Variants in HECW2 observed in about 807,000 individuals in gnomAD.
The protein encoded by HECW2 is E3 ubiquitin-protein ligase HECW2.
HECW2 carries 61 observed loss-of-function variants against 175.2 expected under a neutral mutation model. That is an observed-to-expected ratio of 0.35 (90% CI 0.28 to 0.43). The LOEUF is 0.43. Ranked by LOEUF, HECW2 falls within the 20% of genes least tolerant of loss-of-function variation. The pLI is 1.00. For missense variants in HECW2, 1,524 were observed against 2,000.5 expected (o/e 0.76, Z 4.54); for synonymous variants, 671 against 731.0 (o/e 0.92, Z 1.32).
intron 2 of HECW2, among the ~76,000 whole-genome samples, chr2:196,352,831 G>A (rs767952295): frequency 1.6e-4 from 24 of 152,274 alleles, no homozygotes; most frequent in Non-Finnish European, 3.1e-4. Flanking sequence ...AGAAACACTT[G>A]GACTCATTTC....
chr2:196,312,983 T>A (rs1249957945), intron 10 of HECW2, among the ~76,000 whole-genome samples: 1 of 152,150 alleles, frequency 6.6e-6, no homozygotes, highest in Non-Finnish European at 1.5e-5. Flanking sequence ...ATGATAAATG[T>A]TCCCCCATAG....
chr2:196,572,336 C>A (rs1234417737), intron 1 of HECW2, among the ~76,000 whole-genome samples: 1 of 152,058 alleles, frequency 6.6e-6, no homozygotes, highest in Non-Finnish European at 1.5e-5. Flanking sequence ...GTGTGTGCCA[C>A]CATGCTTGGC....
intron 1 of HECW2, among the ~76,000 whole-genome samples, chr2:196,450,779 C>A (rs1696324394): frequency 6.6e-6 from 1 of 152,060 alleles, no homozygotes; most frequent in African/African-American, 2.4e-5. Context: ...CCACGCCCAG[C>A]CCAAATATCA....
At chr2:196,450,208 A>G (rs999063332) in intron 1 of HECW2, among the ~76,000 whole-genome samples, 2 of 152,214 alleles carry the variant, frequency 1.3e-5, no homozygotes, top group Non-Finnish European at 2.9e-5. Flanking sequence ...AATACAATGG[A>G]TATGTCCCAC....
At position 196,274,048 on chromosome 2, in the gene HECW2, G is replaced by A. The variant is rs565718530; in HGVS notation, c.3211C>T (p.Pro1071Ser). The A allele has an allele frequency of 3.1e-6, 5 of 1,613,646 alleles. No individual in the cohort carries two copies. The African/African-American group carries it at 5.3e-5, about 17-fold the overall frequency. Residue 1071 changes from proline to serine, a missense_variant, in exon 16 of 29, where the codon CCA (proline) becomes TCA (serine). Transcript: ENST00000644978. ...PSSTFNTVSR[P>S]QYQDMVPVAY... is the part of the protein sequence containing the mutation. ...ACTGGAACCATGTCCTGGTACTGTG[G>A]CCTACTGACTGTATTGAATGTACTG...
At chr2:196,362,140 C>T in intron 2 of HECW2, 1 of 985,372 alleles carries the variant, frequency 1.0e-6, no homozygotes, top group Non-Finnish European at 1.2e-6. Context: ...CCACTCCTGC[C>T]TTTCATCAAG....
intron 2 of HECW2, among the ~76,000 whole-genome samples, chr2:196,374,355 G>C (rs116606239): frequency 0.029 from 4,427 of 152,240 alleles, 214 homozygotes; most frequent in African/African-American, 0.1. Flanking sequence ...AGTTGTAAAA[G>C]AAATATGCCA....
At chr2:196,437,364 C>A (rs1695908218) in intron 1 of HECW2, among the ~76,000 whole-genome samples, 1 of 151,900 alleles carries the variant, frequency 6.6e-6, no homozygotes, top group African/African-American at 2.4e-5. Context: ...ATAATCCCAG[C>A]ACTTTGGGAG....
At chr2:196,538,825 C>G (rs1689107369) in intron 1 of HECW2, among the ~76,000 whole-genome samples, 6 of 152,192 alleles carry the variant, frequency 3.9e-5, no homozygotes, top group Admixed American at 3.9e-4. Context: ...TCAAAACTCA[C>G]CAGCAATAAA....
At chr2:196,424,232 T>C (rs1436486543) in intron 2 of HECW2, among the ~76,000 whole-genome samples, 1 of 152,088 alleles carries the variant, frequency 6.6e-6, no homozygotes, top group South Asian at 2.1e-4. Flanking sequence ...GAATATTGTG[T>C]GTGTTCTGAC....
intron 2 of HECW2, among the ~76,000 whole-genome samples, chr2:196,351,967 T>G (rs1183303634): frequency 2.6e-5 from 4 of 152,196 alleles, no homozygotes; most frequent in Non-Finnish European, 5.9e-5. Flanking sequence ...ATCCCAGAGC[T>G]ACATTGAGGA....
At chr2:196,506,870 C>T (rs1013627530) in intron 1 of HECW2, among the ~76,000 whole-genome samples, 1 of 152,042 alleles carries the variant, frequency 6.6e-6, no homozygotes, top group Admixed American at 6.5e-5. Context: ...AAAAACACTG[C>T]TACAGGCCAA....
chr2:196,381,141 G>A (rs1297947522), intron 2 of HECW2, among the ~76,000 whole-genome samples: 1 of 152,176 alleles, frequency 6.6e-6, no homozygotes, highest in Non-Finnish European at 1.5e-5. Flanking sequence ...AATAAGCACA[G>A]TTGCTTAAAG....
intron 2 of HECW2, among the ~76,000 whole-genome samples, chr2:196,388,916 A>G (rs1344338609): frequency 6.6e-6 from 1 of 152,210 alleles, no homozygotes; most frequent in African/African-American, 2.4e-5. Context: ...GACGGGGAAG[A>G]CTGGCATTTG....
chr2:196,402,561 C>G (rs1056509062), intron 2 of HECW2, among the ~76,000 whole-genome samples: 1 of 152,096 alleles, frequency 6.6e-6, no homozygotes, highest in Non-Finnish European at 1.5e-5. Context: ...ATTTATTTAA[C>G]AGCTTTTTGT....
intron 2 of HECW2, among the ~76,000 whole-genome samples, chr2:196,405,177 A>G (rs1694934508): frequency 6.6e-6 from 1 of 151,544 alleles, no homozygotes; most frequent in Non-Finnish European, 1.5e-5. Context: ...CTCCCCTTCC[A>G]CTGTACTCCC....
intron 18 of HECW2, 112 bp from the exon 19 acceptor site, chr2:196,254,141 A>C: frequency 6.9e-7 from 1 of 1,442,934 alleles, no homozygotes; most frequent in East Asian, 2.6e-5. Flanking sequence ...TCCCAAAGAG[A>C]GCATCCGCCC....
At chr2:196,566,322 T>C (rs2125506728) in intron 1 of HECW2, among the ~76,000 whole-genome samples, 2 of 150,966 alleles carry the variant, frequency 1.3e-5, no homozygotes, top group South Asian at 4.2e-4. Flanking sequence ...GGTGCTGTAA[T>C]ATCTACGGTC....
At chr2:196,246,495 C>G (rs1304657883) in intron 19 of HECW2, among the ~76,000 whole-genome samples, 1 of 152,316 alleles carries the variant, frequency 6.6e-6, no homozygotes, top group East Asian at 1.9e-4. Context: ...TGCCATTCTC[C>G]TGCCTCAGCC....
Sources: gnomAD v4.1 joint callset for allele counts (sites outside exome capture counted in the v4.1 genomes callset) on GRCh38, gnomAD v4.1.1 for gene constraint, MANE v1.5 for transcripts, NCBI Gene and HGNC (gene_info 2026-07-23, HGNC 2026-07-21) for gene names.